Variants in CNOT1 observed in about 807,000 individuals in gnomAD.
CNOT1 encodes CCR4-NOT transcription complex subunit 1, also known as CCR4-associated factor 1.
Under a neutral mutation model 273.8 loss-of-function variants are expected in CNOT1, and 15 were observed. That is an observed-to-expected ratio of 0.05 (90% CI 0.04 to 0.08). CNOT1 has a LOEUF of 0.08. CNOT1 is among the 10% of genes least tolerant of loss of function. The probability of loss-of-function intolerance (pLI) is 1.00; values close to 1 mark genes in which losing one functional copy is unlikely to be tolerated. For missense variants in CNOT1, 1,644 were observed against 2,912.2 expected, an observed-to-expected ratio of 0.56 and a Z score of 10.02; for synonymous variants, 1,022 against 1,005.5, an observed-to-expected ratio of 1.02 and a Z score of -0.31.
At position 58,576,602 on chromosome 16, in the gene CNOT1, T is replaced by C; in HGVS notation, c.1585-20A>G. ...CTGTCCCTAAAAAGGGGAAGAAAGA[T>C]TAAATAGCAATACTGCTAAACACTG... On this transcript the variant is annotated intron_variant, in intron 13 of 48. Transcript: ENST00000317147. 6.2e-7 allele frequency: 1 copy of C among 1,613,866 alleles called. No individual in the cohort carries two copies.
intron 12 of CNOT1, 75 bp from the exon 13 acceptor site, chr16:58,579,014 C>A: frequency 1.3e-6 from 2 of 1,543,596 alleles, no homozygotes; most frequent in Non-Finnish European, 1.7e-6. Context: ...ATAAGTGATA[C>A]CAGCTTGTAA....
chr16:58,623,748 G>A (rs2043445544), intron 1 of CNOT1, among the ~76,000 whole-genome samples: 1 of 152,092 alleles, frequency 6.6e-6, no homozygotes, highest in South Asian at 2.1e-4. Context: ...CAGCACTTTG[G>A]GAGGCTGAGG....
rs375538407 is a variant in CNOT1 at position 58,586,547 on chromosome 16, C to A, written c.635G>T (p.Arg212Ile). 3 of 1,609,664 alleles carry A rather than the reference C, an allele frequency of 1.9e-6. No individual in the cohort carries two copies. The highest frequency in any genetic ancestry group is 2.5e-6 in the Non-Finnish European group (3 of 1,179,102). ...QIDAFLKTLR[R>I]DFPQERCPVV... ...GTAGGCTACAAAGACTCCCTTACCT[C>A]TGCGCAGCGTCTTAAGAAAAGCGTC... The change falls in exon 7 of 49, where the codon AGA becomes ATA. Residue 212 changes from arginine to isoleucine, a missense_variant and splice_region_variant. By Grantham distance (97) the Arg-to-Ile change is moderately conservative (BLOSUM62 -3). This residue lies in a region of CNOT1 where 706 missense variants were observed against 1,021.2 expected (regional missense o/e 0.69). Coordinates refer to ENST00000317147, the MANE Select transcript of CNOT1 (RefSeq NM_016284.5).
chr16:58,596,999 T>A (rs1341218897), intron 2 of CNOT1, among the ~76,000 whole-genome samples: 1 of 149,466 alleles, frequency 6.7e-6, no homozygotes, highest in Non-Finnish European at 1.5e-5. Flanking sequence ...TAGCTGGAAG[T>A]CCTCTTGCCA....
intron 3 of CNOT1, among the ~76,000 whole-genome samples, 154 bp from the exon 4 acceptor site, chr16:58,588,032 T>C (rs1481451340): frequency 1.3e-5 from 2 of 152,212 alleles, no homozygotes; most frequent in African/African-American, 4.8e-5. Flanking sequence ...GGTGCGGTGG[T>C]TGACAACCGT....
At chr16:58,622,239 G>A (rs1207370418) in intron 1 of CNOT1, among the ~76,000 whole-genome samples, 2 of 148,244 alleles carry the variant, frequency 1.3e-5, no homozygotes, top group Admixed American at 6.8e-5. Context: ...GCGTGAACCC[G>A]GGTAGCACAG....
At position 58,523,305 on chromosome 16, in the gene CNOT1, G is replaced by GA. The variant is rs71155275; in HGVS notation, c.6917+64dup. ...CACTGAACACTGAAAGCATAAAGAG[G>GA]AAAAAAAAAAGATGAAAGGGAGGAG... On this transcript the variant is annotated intron_variant, in intron 47 of 48. Transcript: ENST00000317147. The GA allele has an allele frequency of 0.3, 389,365 of 1,315,178 alleles. 30,548 individuals carry two copies. Among genetic ancestry groups the GA allele is most frequent in the African/African-American group, 0.55 (35,183 of 64,470 alleles). The allele number at this position is 1,315,178 out of a possible 1,614,324, so 81.5% of individuals were successfully genotyped here. A position where few individuals can be genotyped will look rare whatever the true frequency, so the allele number is the denominator to read the frequency against.
rs776843526 is a variant in CNOT1, at chr16:58,534,254, C to T, written c.5788G>A (p.Ala1930Thr). The T allele has an allele frequency of 1.9e-6, 3 of 1,613,984 alleles. No homozygotes were observed. Among genetic ancestry groups the T allele is most frequent in the East Asian group, 2.2e-5 (1 of 44,878 alleles). The change falls in exon 40 of 49, where the codon GCC becomes ACC. Residue 1930 changes from alanine to threonine, a missense_variant. Ala to Thr is a moderately conservative substitution (Grantham distance 58). Around this residue, in one of 13 missense-constraint regions of CNOT1, gnomAD observed 133 missense variants for 328.2 expected, o/e 0.41. Coordinates refer to ENST00000317147, the MANE Select transcript of CNOT1 (RefSeq NM_016284.5). The stretch of plus-strand genomic sequence containing the variant: ...GCATCCAGGTTGTGATAGCACTTGG[C>T]TCGGATCATGGTGGGATTGGCAGCA... Reference protein sequence around the residue: ...NPAANPTMIRAKCYHNLDAFV... With the variant: ...NPAANPTMIRTKCYHNLDAFV...
At chr16:58,617,424 G>GAGCATC (rs1555502949) in intron 1 of CNOT1, among the ~76,000 whole-genome samples, 2 of 151,848 alleles carry the variant, frequency 1.3e-5, no homozygotes, top group Non-Finnish European at 1.5e-5. Flanking sequence ...AATACAGGCT[G>GAGCATC]AGCATCCCAA....
At chr16:58,579,164 C>A (rs2041566828) in intron 12 of CNOT1, among the ~76,000 whole-genome samples, 4 of 151,994 alleles carry the variant, frequency 2.6e-5, no homozygotes, top group Admixed American at 1.3e-4. Context: ...ATCCTCAGCC[C>A]ATGAAAACCA....
intron 19 of CNOT1, among the ~76,000 whole-genome samples, chr16:58,556,325 C>G (rs1463981199): frequency 6.6e-6 from 1 of 152,212 alleles, no homozygotes. Flanking sequence ...TTCAGACAAG[C>G]CTTTCACACT....
In CNOT1 at chr16:58,543,312, T is replaced by C. The variant is rs998750366; in HGVS notation, c.4434+295A>G. The C allele has an allele frequency of 7.1e-6, 11 of 1,548,398 alleles. No individual in the cohort carries two copies. The Admixed American group carries it at 1.2e-4, about 17-fold the overall frequency. The stretch of plus-strand genomic sequence containing the variant: ...TCCTTCCTGGTTAACAGAAATGAGA[T>C]TGTCAGATATCACATTTCCTTTTTA... On this transcript the variant is annotated intron_variant, in intron 31 of 48. Transcript: ENST00000317147.
At chr16:58,594,897 A>G (rs1455168346) in intron 2 of CNOT1, among the ~76,000 whole-genome samples, 1 of 151,926 alleles carries the variant, frequency 6.6e-6, no homozygotes, top group Non-Finnish European at 1.5e-5. Flanking sequence ...CAGGTGGATC[A>G]TGAGGTAAGG....
intron 17 of CNOT1, among the ~76,000 whole-genome samples, chr16:58,559,288 A>C (rs2040750501): frequency 6.6e-6 from 1 of 152,218 alleles, no homozygotes; most frequent in African/African-American, 2.4e-5. Context: ...TACAAAATCT[A>C]ATGAACAACA....
intron 16 of CNOT1, among the ~76,000 whole-genome samples, chr16:58,564,240 T>C (rs1416490204): frequency 2.0e-5 from 3 of 151,956 alleles, no homozygotes; most frequent in Admixed American, 2.0e-4. Flanking sequence ...GGTATCAGAG[T>C]TCAAAGGAAG....
In CNOT1 at chr16:58,585,365, T is replaced by C; in HGVS notation, c.779A>G (p.Gln260Arg). The C allele has an allele frequency of 6.2e-7, 1 of 1,613,910 alleles. No individual in the cohort carries two copies. The highest frequency in any genetic ancestry group is 1.1e-5 in the South Asian group (1 of 91,082). Residue 260 changes from glutamine (Q) to arginine (R), a missense_variant, in exon 8 of 49, where the codon CAA becomes CGA. Physicochemically the swap from Gln to Arg is conservative, Grantham distance 43 (BLOSUM62 1). Around this residue, in one of 13 missense-constraint regions of CNOT1, gnomAD observed 706 missense variants for 1,021.2 expected, o/e 0.69. Coordinates refer to ENST00000317147, the MANE Select transcript of CNOT1 (RefSeq NM_016284.5). ...MMESSLADFM[Q>R]EVGYGFCASI... ...TGCACAAAAGCCATAGCCTACTTCT[T>C]GCATGAAATCAGCCAAAGAGCTCTC...
At chr16:58,561,181 A>AG (rs976404775) in intron 16 of CNOT1, among the ~76,000 whole-genome samples, 2 of 152,166 alleles carry the variant, frequency 1.3e-5, no homozygotes, top group African/African-American at 4.8e-5. Context: ...GAGAAGGGAA[A>AG]GCGGAAGGAA....
chr16:58,520,918 G>C lies in CNOT1; in HGVS notation c.*40C>G. The C allele has an allele frequency of 1.9e-6, 3 of 1,587,344 alleles. No homozygotes were observed. The highest frequency in any genetic ancestry group is 2.6e-6 in the Non-Finnish European group (3 of 1,161,304). On this transcript the variant is annotated 3_prime_UTR_variant, in exon 49 of 49. Transcript: ENST00000317147. The stretch of plus-strand genomic sequence containing the variant: ...TCAGTTTATGAACTCGGTGCAGTGA[G>C]ACCTCTAGACTGACACGTACAACAG...
chr16:58,596,948 AG>A (rs1389866118), intron 2 of CNOT1, among the ~76,000 whole-genome samples: 1 of 149,640 alleles, frequency 6.7e-6, no homozygotes, highest in Non-Finnish European at 1.5e-5. Flanking sequence ...GGCTTACCCC[AG>A]AGGACACAAG....
Sources: allele counts gnomAD v4.1 joint callset (sites outside exome capture counted in the v4.1 genomes callset), GRCh38; gene constraint gnomAD v4.1.1; regional missense constraint gnomAD v4.1.1; transcripts MANE v1.5; gene names NCBI Gene and HGNC (gene_info 2026-07-23, HGNC 2026-07-21).